Variants in ABCA4 observed in about 807,000 individuals in gnomAD.
ABCA4 encodes ATP binding cassette subfamily A member 4.
In ABCA4, 196 loss-of-function variants were observed where a neutral mutation model predicts 263.7. That is an observed-to-expected ratio of 0.74 (90% CI 0.66 to 0.84). The LOEUF (loss-of-function observed/expected upper bound fraction) is 0.84, where lower values mean the gene tolerates loss of function less well. ABCA4 is among the 40% of genes least tolerant of loss of function. The probability of loss-of-function intolerance (pLI) is 0.00; values close to 1 mark genes in which losing one functional copy is unlikely to be tolerated. For missense variants in ABCA4, 2,792 were observed against 2,855.1 expected (o/e 0.98, Z 0.50); for synonymous variants, 1,133 against 1,094.2 (o/e 1.04, Z -0.70).
At chr1:94,059,166 G>A (rs1320898197) in intron 14 of ABCA4, among the ~76,000 whole-genome samples, 1 of 152,208 alleles carries the variant, frequency 6.6e-6, no homozygotes, top group Non-Finnish European at 1.5e-5. Context: ...TTGCTAGTCA[G>A]ATGTTTACAC....
chr1:94,084,854 G>T (rs1450299900), intron 6 of ABCA4, among the ~76,000 whole-genome samples: 3 of 152,166 alleles, frequency 2.0e-5, no homozygotes, highest in Non-Finnish European at 4.4e-5. Flanking sequence ...TCCATACAAG[G>T]GTGGGGCTGA....
chr1:94,074,857 C>T (rs1309167065), intron 11 of ABCA4, among the ~76,000 whole-genome samples: 1 of 152,190 alleles, frequency 6.6e-6, no homozygotes, highest in African/African-American at 2.4e-5. Flanking sequence ...AATCATTCTA[C>T]TATAAAAATA....
At chr1:94,067,824 T>A (rs1270928555) in intron 11 of ABCA4, among the ~76,000 whole-genome samples, 1 of 152,174 alleles carries the variant, frequency 6.6e-6, no homozygotes, top group Non-Finnish European at 1.5e-5. Flanking sequence ...CACAACAACC[T>A]TATGAGGTCC....
chr1:94,016,867 C>CCAGG (rs923785409), intron 36 of ABCA4, among the ~76,000 whole-genome samples: 91 of 152,072 alleles, frequency 6.0e-4, no homozygotes, highest in African/African-American at 2.1e-3. Context: ...CTGGCAGGAA[C>CCAGG]CAGGGCTTCT....
intron 5 of ABCA4, among the ~76,000 whole-genome samples, chr1:94,101,171 A>C (rs1286045226): frequency 6.6e-6 from 1 of 152,266 alleles, no homozygotes; most frequent in Non-Finnish European, 1.5e-5. Context: ...TAAATGTCAC[A>C]TTAGTAAGGA....
intron 15 of ABCA4, 60 bp downstream of exon 15, chr1:94,056,541 C>T (rs938908024): frequency 1.4e-5 from 22 of 1,555,280 alleles, no homozygotes; most frequent in Non-Finnish European, 1.8e-5. Context: ...GCCTCCAGGA[C>T]TGCTACGGAC....
At chr1:94,107,727 T>C (rs1662479917) in intron 4 of ABCA4, among the ~76,000 whole-genome samples, 1 of 152,144 alleles carries the variant, frequency 6.6e-6, no homozygotes, top group Admixed American at 6.5e-5. Flanking sequence ...CACCTGCACC[T>C]TTGCCCCACT....
In ABCA4 at chr1:94,068,509, A is replaced by G. The variant is rs200403428; in HGVS notation, c.1555-5192T>C. 2.0e-5 allele frequency among the ~76,000 whole-genome samples: 3 copies of G among 152,330 alleles called. No homozygotes were observed. In the East Asian group the frequency reaches 5.8e-4, roughly 29 times the overall value. On this transcript the variant is annotated intron_variant, in intron 11 of 49. Coordinates refer to ENST00000370225, the MANE Select transcript of ABCA4 (RefSeq NM_000350.3). ...TCAAAATCTTGGCTAATGGACATGT[A>G]TATTAGTGCACGTATGTACATAAGT...
At chr1:94,091,587 A>T (rs1299153994) in intron 6 of ABCA4, among the ~76,000 whole-genome samples, 3 of 55,302 alleles carry the variant, frequency 5.4e-5, no homozygotes, top group Admixed American at 2.5e-4. Context: ...TCTCACACAC[A>T]CACACACACA....
intron 45 of ABCA4, 137 bp from the exon 46 acceptor site, chr1:94,001,242 CA>C: frequency 1.4e-6 from 1 of 694,538 alleles, no homozygotes; most frequent in South Asian, 1.7e-5. Context: ...TTGAGCAAGA[CA>C]GGGGTACCCT....
At chr1:94,097,323 C>T (rs1412686644) in intron 6 of ABCA4, among the ~76,000 whole-genome samples, 1 of 152,046 alleles carries the variant, frequency 6.6e-6, no homozygotes, top group African/African-American at 2.4e-5. Context: ...GTGGACCGTG[C>T]CAGAAACTGC....
chr1:94,053,376 T>C lies in ABCA4; in HGVS notation c.2588-1678A>G, dbSNP rs139748048. 7.2e-5 allele frequency among the ~76,000 whole-genome samples: 11 copies of C among 152,202 alleles called. No homozygotes were observed. The East Asian group carries it at 1.9e-3, about 27-fold the overall frequency. ...TGGACAACCCATTAATATAGGAGAA[T>C]TGGTTGGTGCCAAAACAACAACAAC... On this transcript the variant is annotated intron_variant, in intron 16 of 49. Coordinates refer to ENST00000370225, the MANE Select transcript of ABCA4 (RefSeq NM_000350.3).
intron 1 of ABCA4, among the ~76,000 whole-genome samples, chr1:94,116,276 G>A (rs1486084478): frequency 2.0e-5 from 3 of 151,000 alleles, no homozygotes; most frequent in Non-Finnish European, 4.4e-5. Context: ...TTTGCCTATA[G>A]TCCCCGCCCC....
At position 94,008,842 on chromosome 1, in the gene ABCA4, A is replaced by G. The variant is rs188889364; in HGVS notation, c.5744T>C (p.Val1915Ala). The stretch of plus-strand genomic sequence containing the variant: ...TTCAGCCACATCATCATCTTCATCA[A>G]CAATGGGCTCCTTAGTGGGCTCGGC... Reference protein sequence around the residue: ...WIAEPTKEPIVDEDDDVAEER... With the variant: ...WIAEPTKEPIADEDDDVAEER... The change falls in exon 41 of 50, where the codon GTT becomes GCT. Residue 1915 changes from valine to alanine, a missense_variant. Physicochemically the swap from Val to Ala is moderately conservative, Grantham distance 64. Transcript: ENST00000370225. 1 of 1,613,498 alleles carries G rather than the reference A, an allele frequency of 6.2e-7. No individual in the cohort carries two copies. Among genetic ancestry groups the G allele is most frequent in the Non-Finnish European group, 8.5e-7 (1 of 1,179,932 alleles).
At chr1:94,018,549 T>C in intron 36 of ABCA4, 1 of 455,922 alleles carries the variant, frequency 2.2e-6, no homozygotes, top group South Asian at 1.6e-5. Flanking sequence ...ATAGAAATCA[T>C]ATCTTCAGGA....
At chr1:94,014,737 T>C in intron 37 of ABCA4, 47 bp from the exon 38 acceptor site, 1 of 1,611,642 alleles carries the variant, frequency 6.2e-7, no homozygotes, top group Non-Finnish European at 8.5e-7. Context: ...CACATTCCAT[T>C]CCACCTACAA....
intron 6 of ABCA4, among the ~76,000 whole-genome samples, chr1:94,097,948 G>A (rs191942505): frequency 4.8e-4 from 73 of 152,164 alleles, no homozygotes; most frequent in African/African-American, 1.6e-3. Context: ...TAGTAGAGAC[G>A]GGGTTTCACC....
intron 11 of ABCA4, among the ~76,000 whole-genome samples, chr1:94,072,901 A>T (rs74104504): frequency 0.022 from 3,327 of 152,254 alleles, 120 homozygotes; most frequent in African/African-American, 0.074. Flanking sequence ...ATGAGATTGC[A>T]GACCCTATTG....
At chr1:94,008,447 G>T in intron 41 of ABCA4, 150 bp from the exon 42 acceptor site, 2 of 844,188 alleles carry the variant, frequency 2.4e-6, no homozygotes, top group Non-Finnish European at 4.0e-6. Context: ...GGTGTGGTGA[G>T]TACTGAGACA....
Sources: gnomAD v4.1 joint callset for allele counts (sites outside exome capture counted in the v4.1 genomes callset) on GRCh38, gnomAD v4.1.1 for gene constraint, MANE v1.5 for transcripts, NCBI Gene and HGNC (gene_info 2026-07-23, HGNC 2026-07-21) for gene names.